The following GALNT13 variants were observed in gnomAD, a reference collection of about 807,000 sequenced individuals.
The protein encoded by GALNT13 is UDP-GalNAc:polypeptide N-acetylgalactosaminyltransferase 13.
GALNT13 carries 28 observed loss-of-function variants against 64.2 expected under a neutral mutation model. The observed-to-expected ratio is 0.44, with a 90% CI of 0.32 to 0.60. The LOEUF (loss-of-function observed/expected upper bound fraction) is 0.60. Ranked by LOEUF, GALNT13 falls within the 20% of genes least tolerant of loss-of-function variation. The probability of loss-of-function intolerance (pLI) is 0.05; values close to 1 mark genes in which losing one functional copy is unlikely to be tolerated. For missense variants in GALNT13, 577 were observed against 669.8 expected (o/e 0.86, Z 1.53); for synonymous variants, 214 against 224.6 (o/e 0.95, Z 0.42).
chr2:153,706,650 T>C, the GALNT13 span, among the ~76,000 whole-genome samples: 1 of 152,200 alleles, frequency 6.6e-6, no homozygotes, highest in African/African-American at 2.4e-5. Flanking sequence ...TTTCTGGACA[T>C]ATATTTCATA....
chr2:154,025,683 A>C (rs1697904824), intron 3 of GALNT13, among the ~76,000 whole-genome samples: 1 of 152,178 alleles, frequency 6.6e-6, no homozygotes, highest in Non-Finnish European at 1.5e-5. Flanking sequence ...ACAAATCTTT[A>C]TTAATTACTC....
At chr2:153,560,712 T>C in the GALNT13 span, among the ~76,000 whole-genome samples, 5 of 152,066 alleles carry the variant, frequency 3.3e-5, no homozygotes, top group Admixed American at 2.0e-4. Context: ...ACTATGCTTT[T>C]AATTAGGGAG....
At chr2:153,685,958 T>C in the GALNT13 span, among the ~76,000 whole-genome samples, 1 of 152,048 alleles carries the variant, frequency 6.6e-6, no homozygotes, top group African/African-American at 2.4e-5. Context: ...GTTAGAAGTG[T>C]GCGGTCTTAT....
intron 6 of GALNT13, among the ~76,000 whole-genome samples, chr2:154,245,408 A>G (rs1689727787): frequency 6.6e-6 from 1 of 152,108 alleles, no homozygotes. Context: ...TTGAAATGCA[A>G]ACTACCAGAT....
At chr2:154,031,129 C>G (rs72995311) in intron 3 of GALNT13, among the ~76,000 whole-genome samples, 8,513 of 152,108 alleles carry the variant, frequency 0.056, 355 homozygotes, top group East Asian at 0.13. Context: ...CAAAATACTA[C>G]AGATGTTGTG....
chr2:153,254,467 C>A, the GALNT13 span, among the ~76,000 whole-genome samples: 22,455 of 152,102 alleles, frequency 0.15, 2,082 homozygotes, highest in Non-Finnish European at 0.21. Flanking sequence ...TCTCTATTTC[C>A]TTCAGTTCTG....
intron 4 of GALNT13, among the ~76,000 whole-genome samples, chr2:154,195,551 T>G (rs2105766267): frequency 6.6e-6 from 1 of 152,238 alleles, no homozygotes; most frequent in East Asian, 1.9e-4. Flanking sequence ...AAATTCAACT[T>G]TAATCATATT....
chr2:153,766,646 T>C, the GALNT13 span, among the ~76,000 whole-genome samples: 37 of 152,258 alleles, frequency 2.4e-4, no homozygotes, highest in Middle Eastern at 6.8e-3. Flanking sequence ...GTTGAAGCTT[T>C]CTATTGCACT....
chr2:154,437,688 C>A, intron 11 of GALNT13: 1 of 453,744 alleles, frequency 2.2e-6, no homozygotes, highest in Non-Finnish European at 4.3e-6. Flanking sequence ...AACCCCGTCT[C>A]TACTAAAATA....
At chr2:153,862,677 G>C in the GALNT13 span, among the ~76,000 whole-genome samples, 1 of 151,210 alleles carries the variant, frequency 6.6e-6, no homozygotes, top group Non-Finnish European at 1.5e-5. Context: ...TTTGTAAAAC[G>C]CTTTATATTT....
At position 154,245,827 on chromosome 2, in the gene GALNT13, C is replaced by T. The variant is rs753080411; in HGVS notation, c.702C>T (p.Cys234=). ...RIKEDRKTVV[C]PIIDVISDDT... The stretch of plus-strand genomic sequence containing the variant: ...TTCTCTGCAGGAAAACGGTTGTCTG[C>T]CCTATCATTGATGTGATTAGTGATG... The change falls in exon 7 of 13, where the codon TGC becomes TGT. Residue 234 remains cysteine (C), a synonymous_variant. Coordinates refer to ENST00000392825, the MANE Select transcript of GALNT13 (RefSeq NM_052917.4). The T allele has an allele frequency of 6.2e-7, 1 of 1,600,006 alleles. No individual in the cohort carries two copies. Among genetic ancestry groups the T allele is most frequent in the Admixed American group, 1.7e-5 (1 of 59,180 alleles).
At chr2:154,085,893 A>T (rs1409709758) in intron 3 of GALNT13, among the ~76,000 whole-genome samples, 2 of 151,156 alleles carry the variant, frequency 1.3e-5, no homozygotes, top group Admixed American at 6.6e-5. Context: ...GTGGGGCTCC[A>T]TCTCTACAGA....
At chr2:153,709,850 G>T in the GALNT13 span, among the ~76,000 whole-genome samples, 4 of 151,940 alleles carry the variant, frequency 2.6e-5, no homozygotes, top group Non-Finnish European at 5.9e-5. Context: ...GATGAACCTG[G>T]AGGACAGTAT....
chr2:153,752,169 A>G, the GALNT13 span, among the ~76,000 whole-genome samples: 2 of 151,958 alleles, frequency 1.3e-5, no homozygotes, highest in African/African-American at 4.8e-5. Context: ...TTCTATTCAT[A>G]TCTTATTTTA....
At chr2:154,388,367 T>G (rs1178277298) in intron 9 of GALNT13, among the ~76,000 whole-genome samples, 2 of 152,184 alleles carry the variant, frequency 1.3e-5, no homozygotes, top group Non-Finnish European at 2.9e-5. Flanking sequence ...GTTAATTGTT[T>G]CCTTTGCTGT....
chr2:153,267,807 T>C, the GALNT13 span, among the ~76,000 whole-genome samples: 1 of 152,220 alleles, frequency 6.6e-6, no homozygotes, highest in Non-Finnish European at 1.5e-5. Flanking sequence ...AATGGGTTTT[T>C]CTTTTGTATT....
At chr2:153,085,298 A>G in the GALNT13 span, among the ~76,000 whole-genome samples, 2 of 152,238 alleles carry the variant, frequency 1.3e-5, no homozygotes, top group Middle Eastern at 3.2e-3. Flanking sequence ...AGCCTGCTGC[A>G]GAAATTTGCA....
At chr2:153,256,179 T>C in the GALNT13 span, among the ~76,000 whole-genome samples, 1 of 151,830 alleles carries the variant, frequency 6.6e-6, no homozygotes, top group East Asian at 1.9e-4. Context: ...TTTATTCTTT[T>C]TTCTCTAAAC....
At chr2:153,435,149 G>T in the GALNT13 span, among the ~76,000 whole-genome samples, 1 of 152,110 alleles carries the variant, frequency 6.6e-6, no homozygotes, top group Non-Finnish European at 1.5e-5. Context: ...TAGATATGCG[G>T]CATTATTTCT....
Sources: allele counts gnomAD v4.1 joint callset (sites outside exome capture counted in the v4.1 genomes callset), GRCh38; gene constraint gnomAD v4.1.1; transcripts MANE v1.5; gene names NCBI Gene and HGNC (gene_info 2026-07-23, HGNC 2026-07-21).